The following SEMA3C variants were observed in gnomAD, a reference collection of about 807,000 sequenced individuals.
The protein encoded by SEMA3C is semaphorin-3C.
Under a neutral mutation model 89.4 loss-of-function variants are expected in SEMA3C, and 47 were observed. The observed-to-expected ratio is 0.53, with a 90% confidence interval of 0.42 to 0.67. SEMA3C has a LOEUF of 0.67. SEMA3C is among the 30% of genes least tolerant of loss of function. SEMA3C has a pLI of 0.00. For missense variants in SEMA3C, 839 were observed against 929.1 expected, an observed-to-expected ratio of 0.90 and a Z score of 1.26; for synonymous variants, 310 against 320.2, an observed-to-expected ratio of 0.97 and a Z score of 0.34.
At chr7:80,859,969 A>T (rs1368015253) in intron 2 of SEMA3C, among the ~76,000 whole-genome samples, 1 of 152,112 alleles carries the variant, frequency 6.6e-6, no homozygotes, top group African/African-American at 2.4e-5. Flanking sequence ...TGTGTGCTAT[A>T]AACTCATTTA....
intron 15 of SEMA3C, among the ~76,000 whole-genome samples, chr7:80,758,099 G>A (rs552779344): frequency 1.3e-5 from 2 of 152,184 alleles, no homozygotes; most frequent in Admixed American, 6.5e-5. Flanking sequence ...TTTGAAGGGA[G>A]AAAGGACTCT....
intron 11 of SEMA3C, among the ~76,000 whole-genome samples, chr7:80,792,735 C>T (rs1788972716): frequency 6.6e-6 from 1 of 152,078 alleles, no homozygotes; most frequent in South Asian, 2.1e-4. Context: ...ACAAGTGTCT[C>T]CTAGTATATG....
chr7:80,841,047 G>A (rs1055231158), intron 2 of SEMA3C, among the ~76,000 whole-genome samples: 1 of 152,060 alleles, frequency 6.6e-6, no homozygotes, highest in Non-Finnish European at 1.5e-5. Context: ...AATGGAGTGG[G>A]GTTTTCTCAG....
chr7:80,846,890 GAGC>G (rs1790403933), intron 2 of SEMA3C, among the ~76,000 whole-genome samples: 1 of 152,148 alleles, frequency 6.6e-6, no homozygotes, highest in African/African-American at 2.4e-5. Flanking sequence ...TATAGCTGAA[GAGC>G]AGCAGAGCCA....
chr7:80,747,171 A>G lies in SEMA3C; in HGVS notation c.1842+1727T>C, dbSNP rs113938776. On this transcript the variant is annotated intron_variant, in intron 17 of 17. Coordinates refer to ENST00000265361, the MANE Select transcript of SEMA3C (RefSeq NM_006379.5). Reference sequence around the variant, plus strand: ...GCTAATGTTATGCCACTATTAAATTATTACATTCTTATGTTTTTGAGATTG... The same window carrying G: ...GCTAATGTTATGCCACTATTAAATTGTTACATTCTTATGTTTTTGAGATTG... Among the ~76,000 whole-genome samples the G allele has an allele frequency of 1.2e-3, 186 of 152,192 alleles. 3 individuals are homozygous for G. Among genetic ancestry groups the G allele is most frequent in the African/African-American group, 4.0e-3 (166 of 41,562 alleles).
At chr7:80,750,043 C>T (rs1787888953) in intron 16 of SEMA3C, among the ~76,000 whole-genome samples, 1 of 152,040 alleles carries the variant, frequency 6.6e-6, no homozygotes, top group Non-Finnish European at 1.5e-5. Context: ...TCTTAATTTG[C>T]TCTTTGCAGT....
intron 2 of SEMA3C, among the ~76,000 whole-genome samples, chr7:80,881,785 A>C (rs554194850): frequency 2.0e-5 from 3 of 152,330 alleles, no homozygotes; most frequent in South Asian, 2.1e-4. Flanking sequence ...CAGGCAGTGC[A>C]TTAATATGAA....
At chr7:80,778,353 G>A (rs1284021087) in intron 12 of SEMA3C, among the ~76,000 whole-genome samples, 1 of 152,088 alleles carries the variant, frequency 6.6e-6, no homozygotes, top group Non-Finnish European at 1.5e-5. Flanking sequence ...TCCTACAAAG[G>A]ATACAACAAC....
chr7:80,818,748 T>C (rs552170393), intron 4 of SEMA3C, among the ~76,000 whole-genome samples: 6 of 152,348 alleles, frequency 3.9e-5, no homozygotes, highest in Admixed American at 1.3e-4. Flanking sequence ...CTGGGTTGCA[T>C]GAGGCCCTTG....
chr7:80,812,922 G>A (rs977978780), intron 5 of SEMA3C, among the ~76,000 whole-genome samples: 1 of 150,970 alleles, frequency 6.6e-6, no homozygotes, highest in East Asian at 1.9e-4. Context: ...GAGTGGCTAG[G>A]ACTACAGGGA....
rs535004866 is a variant in SEMA3C at position 80,798,301 on chromosome 7, T to C, written c.987-65A>G. The C allele has an allele frequency of 4.9e-6, 6 of 1,232,674 alleles. No homozygotes were observed. In the South Asian group the frequency reaches 1.1e-4, roughly 23 times the overall value. 76.4% of individuals were successfully genotyped at this position (1,232,674 alleles called of 1,614,324 possible). A position where few individuals can be genotyped will look rare whatever the true frequency, so the allele number is the denominator to read the frequency against. On this transcript the variant is annotated intron_variant, in intron 10 of 17. Coordinates refer to ENST00000265361, the MANE Select transcript of SEMA3C (RefSeq NM_006379.5). ...AAATTAAAATACAATTTAAAAAATATATGGTAAAATTTATGATAAAAAGTT... is the reference window on the plus strand; with the variant it reads ...AAATTAAAATACAATTTAAAAAATACATGGTAAAATTTATGATAAAAAGTT...
intron 4 of SEMA3C, among the ~76,000 whole-genome samples, chr7:80,823,643 G>A (rs909270485): frequency 2.0e-5 from 3 of 151,848 alleles, no homozygotes; most frequent in Non-Finnish European, 4.4e-5. Context: ...AGGAGCTTAG[G>A]GTTGTATGGT....
At position 80,798,198 on chromosome 7, in the gene SEMA3C, A is replaced by G; in HGVS notation, c.1025T>C (p.Leu342Ser). ...ATTAAACACAGTCTGTATATCAGAT[A>G]AATGATACACACACACGGCTGATCC... ...FKGSAVCVYH[L>S]SDIQTVFNGP... The change falls in exon 11 of 18, where the codon TTA becomes TCA. Residue 342 changes from leucine to serine, a missense_variant. Transcript: ENST00000265361. The G allele has an allele frequency of 1.3e-6, 2 of 1,581,640 alleles. No homozygotes were observed. Among genetic ancestry groups the G allele is most frequent in the Non-Finnish European group, 1.7e-6 (2 of 1,167,348 alleles).
intron 2 of SEMA3C, among the ~76,000 whole-genome samples, chr7:80,888,030 T>C (rs911813761): frequency 6.6e-6 from 1 of 152,154 alleles, no homozygotes; most frequent in Non-Finnish European, 1.5e-5. Context: ...CATTAAAAAA[T>C]AAAATGTTTT....
rs201660750 is a variant in SEMA3C, at chr7:80,750,457, TATATATATATATATATAC to T, written c.1711+794_1711+811del. ...GTACATATATATATATATATATATA[TATATATATATATATATAC>T]ACACACACACACACACACACACACA... On this transcript the variant is annotated intron_variant, in intron 16 of 17. Coordinates refer to ENST00000265361, the MANE Select transcript of SEMA3C (RefSeq NM_006379.5). Among the ~76,000 whole-genome samples, 1,526 of 66,638 alleles carry T rather than the reference TATATATATATATATATAC, an allele frequency of 0.023. 118 individuals are homozygous for T. The East Asian group carries it at 0.31, about 14-fold the overall frequency. The allele number at this position is 66,638 out of a possible 152,430, so 43.7% of individuals were successfully genotyped here. A position where few individuals can be genotyped will look rare whatever the true frequency, so the allele number is the denominator to read the frequency against.
At chr7:80,799,707 A>G (rs776756523) in intron 10 of SEMA3C, among the ~76,000 whole-genome samples, 3 of 151,928 alleles carry the variant, frequency 2.0e-5, no homozygotes, top group Non-Finnish European at 4.4e-5. Flanking sequence ...TAGAAAAATT[A>G]GCTGGGTCTG....
chr7:80,798,149 C>A lies in SEMA3C; in HGVS notation c.1074G>T (p.Gly358=), dbSNP rs140907811. The change falls in exon 11 of 18, where the codon GGG becomes GGT. Residue 358 remains glycine (G), a synonymous_variant. Transcript: ENST00000265361. ...GATAGGAAATCAGCTGATGATTGGG[C>A]CCTTCTTTGTGGGCAAAAGGCCCAT... ...VFNGPFAHKE[G]PNHQLISYQG... The A allele has an allele frequency of 1.3e-4, 212 of 1,608,398 alleles. No homozygotes were observed. In the African/African-American group the frequency reaches 2.3e-3, roughly 18 times the overall value.
rs569289131 is a variant in SEMA3C, at chr7:80,777,300, GT to G, written c.1354+12005del. On this transcript the variant is annotated intron_variant, in intron 12 of 17. Coordinates refer to ENST00000265361, the MANE Select transcript of SEMA3C (RefSeq NM_006379.5). ...TCTAATAAATTATTTTTTATTTGGG[GT>G]TTTTTTTTTAGACGGCGTCTGGCTC... is the stretch of plus-strand genomic sequence containing the variant. Among the ~76,000 whole-genome samples the G allele has an allele frequency of 4.1e-4, 60 of 148,088 alleles. 4 individuals are homozygous for G. The South Asian group carries it at 8.8e-3, about 22-fold the overall frequency.
At chr7:80,898,199 C>T (rs186359948) in intron 2 of SEMA3C, among the ~76,000 whole-genome samples, 143 of 151,676 alleles carry the variant, frequency 9.4e-4, no homozygotes, top group African/African-American at 2.4e-3. Flanking sequence ...CCCCGCGTGC[C>T]GACGAAAAAT....
Sources: gnomAD v4.1 joint callset for allele counts (sites outside exome capture counted in the v4.1 genomes callset) on GRCh38, gnomAD v4.1.1 for gene constraint, MANE v1.5 for transcripts, NCBI Gene and HGNC (gene_info 2026-07-23, HGNC 2026-07-21) for gene names.